The following CPPED1 variants were observed in gnomAD, a reference collection of about 807,000 sequenced individuals.
CPPED1 encodes calcineurin like phosphoesterase domain containing 1.
CPPED1 carries 28 observed loss-of-function variants against 28.0 expected under a neutral mutation model. That is an observed-to-expected ratio of 1.00 (90% CI 0.74 to 1.37). The LOEUF is 1.37. CPPED1 is among the 40% of genes most tolerant of loss of function. CPPED1 has a pLI of 0.00. For synonymous variants in CPPED1, 198 were observed against 180.2 expected (o/e 1.10, Z -0.79); for missense variants, 504 against 416.5 (o/e 1.21, Z -1.83).
intron 2 of CPPED1, among the ~76,000 whole-genome samples, chr16:12,775,880 A>T (rs948877943): frequency 6.6e-6 from 1 of 152,216 alleles, no homozygotes; most frequent in Non-Finnish European, 1.5e-5. Flanking sequence ...TAATGAGTAG[A>T]TAAGATAGTA....
chr16:12,674,387 A>C (rs543206066), intron 3 of CPPED1, among the ~76,000 whole-genome samples: 2 of 152,246 alleles, frequency 1.3e-5, no homozygotes, highest in East Asian at 3.9e-4. Context: ...AATGGGGGAA[A>C]CACTTCTTGG....
rs538841620 is a variant in CPPED1 at position 12,733,684 on chromosome 16, C to T, written c.290-28635G>A. Among the ~76,000 whole-genome samples the T allele has an allele frequency of 4.6e-5, 7 of 152,270 alleles. No individual in the cohort carries two copies. In the South Asian group the frequency reaches 1.2e-3, roughly 27 times the overall value. On this transcript the variant is annotated intron_variant, in intron 2 of 3. Coordinates refer to ENST00000381774, the MANE Select transcript of CPPED1 (RefSeq NM_018340.3). The stretch of plus-strand genomic sequence containing the variant: ...CATTCTCCAGGACACAAATTCAATA[C>T]ATAACAGTAAGTAAGATCTAGAAAC...
intron 2 of CPPED1, among the ~76,000 whole-genome samples, chr16:12,762,945 T>G (rs753700434): frequency 1.1e-4 from 16 of 151,946 alleles, no homozygotes; most frequent in Non-Finnish European, 2.2e-4. Context: ...AATGAAGTCT[T>G]GCGCCGGGCA....
At chr16:12,666,863 T>G (rs1480582189) in intron 3 of CPPED1, among the ~76,000 whole-genome samples, 1 of 152,198 alleles carries the variant, frequency 6.6e-6, no homozygotes, top group East Asian at 1.9e-4. Flanking sequence ...GCTCACAACA[T>G]TCCTTAAAAT....
chr16:12,776,170 AG>A (rs2080496641), intron 2 of CPPED1, among the ~76,000 whole-genome samples: 1 of 152,202 alleles, frequency 6.6e-6, no homozygotes, highest in Admixed American at 6.5e-5. Flanking sequence ...GGTGGAGCAG[AG>A]GTCAGACGGG....
chr16:12,676,642 C>T (rs2079879334), intron 3 of CPPED1, among the ~76,000 whole-genome samples: 1 of 152,070 alleles, frequency 6.6e-6, no homozygotes, highest in Non-Finnish European at 1.5e-5. Context: ...TGCCATAGGC[C>T]CTGTAAGAAG....
intron 2 of CPPED1, among the ~76,000 whole-genome samples, chr16:12,707,569 T>C (rs1346491): frequency 0.76 from 115,874 of 152,102 alleles, 44,220 homozygotes; most frequent in Admixed American, 0.84. Context: ...AGTCATTAAG[T>C]ATGGCCCCTC....
At chr16:12,769,327 CTTTAT>C (rs1415815372) in intron 2 of CPPED1, among the ~76,000 whole-genome samples, 3 of 152,050 alleles carry the variant, frequency 2.0e-5, no homozygotes, top group African/African-American at 4.8e-5. Context: ...ATCCTAGGAA[CTTTAT>C]TTTGTGTATT....
At chr16:12,723,274 T>A (rs552167905) in intron 2 of CPPED1, among the ~76,000 whole-genome samples, 2 of 152,238 alleles carry the variant, frequency 1.3e-5, no homozygotes, top group African/African-American at 4.8e-5. Flanking sequence ...TCTGGCTTAC[T>A]GCAATCTGTG....
chr16:12,722,180 C>T (rs115199130), intron 2 of CPPED1, among the ~76,000 whole-genome samples: 1,579 of 152,270 alleles, frequency 0.01, 27 homozygotes, highest in African/African-American at 0.035. Flanking sequence ...CCTTAGTAAG[C>T]GGAGAAACAG....
At chr16:12,739,626 T>A (rs1364501323) in intron 2 of CPPED1, among the ~76,000 whole-genome samples, 3 of 151,618 alleles carry the variant, frequency 2.0e-5, no homozygotes, top group Non-Finnish European at 4.4e-5. Context: ...GCTGCAAGAG[T>A]GGGGCAGATT....
chr16:12,771,874 G>A (rs2080472118), intron 2 of CPPED1, among the ~76,000 whole-genome samples: 1 of 152,194 alleles, frequency 6.6e-6, no homozygotes, highest in Non-Finnish European at 1.5e-5. Flanking sequence ...TGTAATCCCA[G>A]AACTTTGGGA....
intron 2 of CPPED1, among the ~76,000 whole-genome samples, chr16:12,714,223 G>A (rs1339899615): frequency 6.6e-6 from 1 of 152,122 alleles, no homozygotes; most frequent in Non-Finnish European, 1.5e-5. Context: ...TGGCTATTAT[G>A]AATTATGCTG....
chr16:12,753,765 T>G (rs2080346430), intron 2 of CPPED1: 1 of 152,254 alleles, frequency 6.6e-6, no homozygotes, highest in Admixed American at 6.5e-5. Context: ...TATTTGGTTC[T>G]TCTCCCTACA....
In CPPED1 at chr16:12,660,088, G is replaced by A. The variant is rs1360391655; in HGVS notation, c.*4798C>T. On this transcript the variant is annotated 3_prime_UTR_variant, in exon 4 of 4. Coordinates refer to ENST00000381774, the MANE Select transcript of CPPED1 (RefSeq NM_018340.3). ...CAATTCGAGATGAGATTTCAGTGGG[G>A]ACACAGAGCCAAACCAATTTGGGTG... is the stretch of plus-strand genomic sequence containing the variant. The A allele has an allele frequency of 2.0e-5, 3 of 152,146 alleles. No individual in the cohort carries two copies. Among genetic ancestry groups the A allele is most frequent in the African/African-American group, 7.2e-5 (3 of 41,414 alleles). The allele number at this position is 152,146 out of a possible 1,614,324, so 9.4% of individuals were successfully genotyped here.
chr16:12,701,161 C>T (rs1412994119), intron 3 of CPPED1, among the ~76,000 whole-genome samples: 3 of 151,482 alleles, frequency 2.0e-5, no homozygotes, highest in Non-Finnish European at 2.9e-5. Flanking sequence ...CCCAGGAATC[C>T]AGGGCTGCAG....
intron 2 of CPPED1, among the ~76,000 whole-genome samples, chr16:12,717,726 C>G (rs981058614): frequency 6.6e-6 from 1 of 152,120 alleles, no homozygotes; most frequent in African/African-American, 2.4e-5. Flanking sequence ...CCTACAACCT[C>G]CACCTCCTGG....
chr16:12,720,016 C>T (rs1326941189), intron 2 of CPPED1, among the ~76,000 whole-genome samples: 1 of 152,192 alleles, frequency 6.6e-6, no homozygotes, highest in African/African-American at 2.4e-5. Flanking sequence ...CACACACACA[C>T]ACACATACAC....
rs779150099 is a variant in CPPED1 at position 12,781,297 on chromosome 16, G to A, written c.177C>T (p.Asp59=). 36 of 1,613,954 alleles carry A rather than the reference G, an allele frequency of 2.2e-5. No homozygotes were observed. The Middle Eastern group carries it at 6.6e-4, about 29-fold the overall frequency. Residue 59 remains aspartate (D), a synonymous_variant, in exon 2 of 4, where the codon GAC becomes GAT. Transcript: ENST00000381774. ...WSTGDCDNGG[D]EWEQEIRLTE... is the part of the protein sequence containing the mutation. Reference sequence around the variant, plus strand: ...TTAGACGGATCTCCTGTTCCCATTCGTCACCGCCATTGTCACAGTCCCCAG... The same window carrying A: ...TTAGACGGATCTCCTGTTCCCATTCATCACCGCCATTGTCACAGTCCCCAG...
Sources: gnomAD v4.1 joint callset for allele counts (sites outside exome capture counted in the v4.1 genomes callset) on GRCh38, gnomAD v4.1.1 for gene constraint, MANE v1.5 for transcripts, NCBI Gene and HGNC (gene_info 2026-07-23, HGNC 2026-07-21) for gene names.